GLCCI1: variants seen among roughly 807,000 people sequenced by gnomAD.
GLCCI1 encodes the protein glucocorticoid induced 1, also known as glucocorticoid-induced transcript 1 protein.
In GLCCI1, 24 loss-of-function variants were observed where a neutral mutation model predicts 52.2. The observed-to-expected ratio is 0.46, with a 90% CI of 0.33 to 0.65. The LOEUF is 0.65. Among genes scored for constraint, GLCCI1 ranks in the 30% least tolerant of loss-of-function variants. The pLI is 0.02. For missense variants in GLCCI1, 704 were observed against 701.5 expected (o/e 1.00, Z -0.04); for synonymous variants, 310 against 276.5 (o/e 1.12, Z -1.20).
At chr7:8,016,371 A>G (rs1192316756) in intron 2 of GLCCI1, among the ~76,000 whole-genome samples, 3 of 152,292 alleles carry the variant, frequency 2.0e-5, no homozygotes, top group Non-Finnish European at 4.4e-5. Context: ...CGGGAGGCTG[A>G]GGCAGGAGAA....
intron 1 of GLCCI1, among the ~76,000 whole-genome samples, chr7:7,973,193 C>T (rs958248662): frequency 1.3e-5 from 2 of 152,018 alleles, no homozygotes; most frequent in Non-Finnish European, 2.9e-5. Flanking sequence ...TACATAAAGT[C>T]TACCTTTGAG....
intron 5 of GLCCI1, among the ~76,000 whole-genome samples, chr7:8,061,182 C>G (rs959232272): frequency 1.3e-5 from 2 of 151,310 alleles, no homozygotes; most frequent in East Asian, 3.9e-4. Flanking sequence ...TCACTGCAAG[C>G]TCTGCCTCCT....
chr7:7,988,145 G>T (rs1359509790), intron 1 of GLCCI1, among the ~76,000 whole-genome samples: 2 of 152,234 alleles, frequency 1.3e-5, no homozygotes, highest in East Asian at 1.9e-4. Context: ...CCAAAACCTA[G>T]AACTAAGGCA....
chr7:7,989,997 A>C (rs997927708), intron 1 of GLCCI1, among the ~76,000 whole-genome samples: 2 of 152,112 alleles, frequency 1.3e-5, no homozygotes, highest in African/African-American at 4.8e-5. Context: ...TGTTAATACT[A>C]AACACATAGA....
chr7:7,981,067 G>A (rs1780603501), intron 1 of GLCCI1: 1 of 472,264 alleles, frequency 2.1e-6, no homozygotes, highest in Non-Finnish European at 4.1e-6. Context: ...TTTACTTTTA[G>A]AGATGGTGGG....
At chr7:8,076,113 C>G (rs575371603) in intron 6 of GLCCI1, among the ~76,000 whole-genome samples, 1 of 152,242 alleles carries the variant, frequency 6.6e-6, no homozygotes, top group East Asian at 1.9e-4. Flanking sequence ...CTCTAGGGCT[C>G]TATTTCTTGA....
intron 4 of GLCCI1, among the ~76,000 whole-genome samples, chr7:8,058,191 C>G (rs1782440018): frequency 6.6e-6 from 1 of 152,018 alleles, no homozygotes; most frequent in African/African-American, 2.4e-5. Flanking sequence ...ATGAAAAATA[C>G]AAAATGCCTG....
At chr7:8,059,714 C>T (rs1331364380) in intron 4 of GLCCI1, among the ~76,000 whole-genome samples, 3 of 152,174 alleles carry the variant, frequency 2.0e-5, no homozygotes, top group Non-Finnish European at 4.4e-5. Flanking sequence ...TAAACATACT[C>T]ATACAGAGCT....
chr7:8,042,720 C>T lies in GLCCI1; in HGVS notation c.697-12713C>T, dbSNP rs190234524. The stretch of plus-strand genomic sequence containing the variant: ...TGCATGAATGAGGAATTGCTTCTTA[C>T]GGATGAGCAAAGTAAGTGGTTTCTT... On this transcript the variant is annotated intron_variant, in intron 3 of 7. Coordinates refer to ENST00000223145, the MANE Select transcript of GLCCI1 (RefSeq NM_138426.4). 8.5e-5 allele frequency among the ~76,000 whole-genome samples: 13 copies of T among 152,112 alleles called. 1 individual carries two copies. The highest frequency in any genetic ancestry group is 6.8e-3 in the Middle Eastern group (2 of 294).
chr7:8,027,386 G>C (rs959950621), intron 3 of GLCCI1, among the ~76,000 whole-genome samples: 4 of 152,132 alleles, frequency 2.6e-5, no homozygotes, highest in Non-Finnish European at 2.9e-5. Context: ...TACTGGGGAG[G>C]CTGAGGCGCA....
At chr7:8,057,920 G>A (rs1016829012) in intron 4 of GLCCI1, among the ~76,000 whole-genome samples, 1 of 152,134 alleles carries the variant, frequency 6.6e-6, no homozygotes, top group African/African-American at 2.4e-5. Context: ...ATATTTGTAG[G>A]TGGAATATGA....
In GLCCI1 at chr7:8,060,090, T is replaced by G; in HGVS notation, c.814-6T>G. 1.2e-6 allele frequency: 2 copies of G among 1,608,398 alleles called. No individual in the cohort carries two copies. The highest frequency in any genetic ancestry group is 1.7e-6 in the Non-Finnish European group (2 of 1,177,918). Reference sequence around the variant, plus strand: ...AATTTGATACCACCTTTATCTTATCTCATAGGCTACTGGATCAAGGTCAGT... The same window carrying G: ...AATTTGATACCACCTTTATCTTATCGCATAGGCTACTGGATCAAGGTCAGT... On this transcript the variant is annotated splice_polypyrimidine_tract_variant and splice_region_variant and intron_variant, in intron 4 of 7. Coordinates refer to ENST00000223145, the MANE Select transcript of GLCCI1 (RefSeq NM_138426.4).
chr7:7,972,039 A>C (rs1780364826), intron 1 of GLCCI1, among the ~76,000 whole-genome samples: 1 of 152,048 alleles, frequency 6.6e-6, no homozygotes, highest in African/African-American at 2.4e-5. Flanking sequence ...TACCCCCACT[A>C]CCCAAATTAA....
At chr7:8,085,133 C>G (rs1783076714) in intron 7 of GLCCI1, 116 bp downstream of exon 7, 4 of 1,151,808 alleles carry the variant, frequency 3.5e-6, no homozygotes, top group Non-Finnish European at 3.7e-6. Flanking sequence ...GTTTCAAGAG[C>G]AAATTATGTA....
chr7:7,982,929 TG>T (rs996631734), intron 1 of GLCCI1, among the ~76,000 whole-genome samples: 1 of 152,184 alleles, frequency 6.6e-6, no homozygotes, highest in African/African-American at 2.4e-5. Flanking sequence ...TATCTTCATT[TG>T]TATAAAATAA....
At chr7:8,016,314 A>G (rs936283182) in intron 2 of GLCCI1, among the ~76,000 whole-genome samples, 1 of 152,010 alleles carries the variant, frequency 6.6e-6, no homozygotes, top group African/African-American at 2.4e-5. Flanking sequence ...CTAAAAATAC[A>G]AAAAATTAGC....
At position 8,029,267 on chromosome 7, in the gene GLCCI1, G is replaced by T. The variant is rs199670808; in HGVS notation, c.696+6698G>T. ...AAGATCATTCATCCTGTCCAAGTGG[G>T]ATTTATCCCAGGGATGCAAAGATGG... On this transcript the variant is annotated intron_variant, in intron 3 of 7. Coordinates refer to ENST00000223145, the MANE Select transcript of GLCCI1 (RefSeq NM_138426.4). 4.6e-5 allele frequency among the ~76,000 whole-genome samples: 7 copies of T among 152,246 alleles called. No individual in the cohort carries two copies. In the East Asian group the frequency reaches 1.4e-3, roughly 29 times the overall value.
At chr7:8,003,502 A>C (rs1199540735) in intron 1 of GLCCI1, among the ~76,000 whole-genome samples, 1 of 152,234 alleles carries the variant, frequency 6.6e-6, no homozygotes, top group Non-Finnish European at 1.5e-5. Flanking sequence ...GCTTTAAATT[A>C]AAGACAATGA....
intron 1 of GLCCI1, among the ~76,000 whole-genome samples, chr7:7,984,934 G>T (rs1780693069): frequency 6.6e-6 from 1 of 152,152 alleles, no homozygotes; most frequent in Non-Finnish European, 1.5e-5. Context: ...AATATCCCAA[G>T]ACTTTTTCTG....
Sources: allele counts gnomAD v4.1 joint callset (sites outside exome capture counted in the v4.1 genomes callset), GRCh38; gene constraint gnomAD v4.1.1; transcripts MANE v1.5; gene names NCBI Gene and HGNC (gene_info 2026-07-23, HGNC 2026-07-21).